The following TSEN54 variants were observed in gnomAD, a reference collection of about 807,000 sequenced individuals.
TSEN54 encodes the protein tRNA-splicing endonuclease subunit Sen54.
In TSEN54, 55 loss-of-function variants were observed where a neutral mutation model predicts 61.9. The ratio of observed to expected loss-of-function variants is 0.89; its 90% CI spans 0.72 to 1.11. The LOEUF is 1.11. TSEN54 is among the 50% of genes most tolerant of loss of function. The probability of loss-of-function intolerance (pLI) is 0.00; values close to 1 mark genes in which losing one functional copy is unlikely to be tolerated. For synonymous variants in TSEN54, 304 were observed against 288.7 expected, an observed-to-expected ratio of 1.05 and a Z score of -0.54; for missense variants, 760 against 687.7, an observed-to-expected ratio of 1.11 and a Z score of -1.18.
intron 5 of TSEN54, 84 bp from the exon 6 acceptor site, chr17:75,518,911 G>A: frequency 6.2e-7 from 1 of 1,604,206 alleles, no homozygotes; most frequent in Non-Finnish European, 8.5e-7. Flanking sequence ...AGAGAGGGCT[G>A]TGGGGATGGC....
rs763099057 is a variant in TSEN54, at chr17:75,523,714, C to T, written c.1365C>T (p.Ala455=). ...GLEIIFDVYQ[A]DAVATFRKNN... is the part of the protein sequence containing the mutation. ...AAATCATCTTTGATGTTTACCAGGC[C>T]GACGCTGTGGCCACATTCCGAAAGA... The change falls in exon 10 of 11, where the codon GCC becomes GCT. Residue 455 remains alanine (A), a synonymous_variant. Coordinates refer to ENST00000333213, the MANE Select transcript of TSEN54 (RefSeq NM_207346.3). 1.2e-4 allele frequency: 186 copies of T among 1,613,950 alleles called. No individual in the cohort carries two copies. The highest frequency in any genetic ancestry group is 1.5e-4 in the Non-Finnish European group (177 of 1,180,024).
chr17:75,518,124 G>C (rs2053392820), intron 5 of TSEN54, among the ~76,000 whole-genome samples: 2 of 152,184 alleles, frequency 1.3e-5, no homozygotes, highest in African/African-American at 4.8e-5. Flanking sequence ...GAGCAGATTT[G>C]GGAGGACAAG....
chr17:75,521,723 C>G lies in TSEN54; in HGVS notation c.642C>G (p.Ala214=), dbSNP rs148257289. ...SSSPRSINKK[A]KALDNSLQPK... The stretch of plus-strand genomic sequence containing the variant: ...CCCTCAGGTCCATTAATAAGAAGGC[C>G]AAGGCCCTGGACAACTCCCTGCAAC... Residue 214 remains alanine, a synonymous_variant, in exon 8 of 11, where the codon GCC becomes GCG. Transcript: ENST00000333213. The G allele has an allele frequency of 1.2e-6, 2 of 1,613,066 alleles. No homozygotes were observed. The highest frequency in any genetic ancestry group is 2.2e-5 in the South Asian group (2 of 91,076).
At chr17:75,521,549 G>C in intron 7 of TSEN54, 39 bp downstream of exon 7, 2 of 1,602,546 alleles carry the variant, frequency 1.2e-6, no homozygotes, top group Non-Finnish European at 1.7e-6. Context: ...GGGAGTGCTG[G>C]TGTCTGGGAC....
chr17:75,521,029 ATATAT>A (rs1448662356), intron 6 of TSEN54, among the ~76,000 whole-genome samples: 1 of 152,216 alleles, frequency 6.6e-6, no homozygotes, highest in African/African-American at 2.4e-5. Context: ...TGTGTCCACA[ATATAT>A]TATTGAGTGA....
intron 5 of TSEN54, chr17:75,518,410 G>A (rs921851926): frequency 4.5e-6 from 2 of 448,152 alleles, no homozygotes; most frequent in Non-Finnish European, 2.9e-6. Flanking sequence ...GGAGTGTCTG[G>A]TGATGCAGGA....
At chr17:75,522,479 T>C (rs982934106) in intron 8 of TSEN54, 146 bp downstream of exon 8, 6 of 1,501,768 alleles carry the variant, frequency 4.0e-6, no homozygotes, top group Non-Finnish European at 5.3e-6. Flanking sequence ...CGGTCAGTTC[T>C]CCGGCGGCTG....
chr17:75,524,627 G>C lies in TSEN54; in HGVS notation c.*215G>C. On this transcript the variant is annotated 3_prime_UTR_variant, in exon 11 of 11. Coordinates refer to ENST00000333213, the MANE Select transcript of TSEN54 (RefSeq NM_207346.3). ...GTGACCCCTCTGGAACTCAGGACTC[G>C]ATTTTAAGGACCCAGGAGGTGGGGC... 1 of 677,800 alleles carries C rather than the reference G, an allele frequency of 1.5e-6. No individual in the cohort carries two copies. Among genetic ancestry groups the C allele is most frequent in the Non-Finnish European group, 2.7e-6 (1 of 376,716 alleles). The allele number at this position is 677,800 out of a possible 1,614,324, so 42.0% of individuals were successfully genotyped here. A position where few individuals can be genotyped will look rare whatever the true frequency, so the allele number is the denominator to read the frequency against.
Position 75,517,612 on chromosome 17 carries a change from A to T in TSEN54, c.425A>T (p.Gln142Leu). 3 of 1,613,698 alleles carry T rather than the reference A, an allele frequency of 1.9e-6. No homozygotes were observed. Among genetic ancestry groups the T allele is most frequent in the Non-Finnish European group, 2.5e-6 (3 of 1,179,960 alleles). ...CCACTGTCTATCCAGGAAGCTTACC[A>T]GCTGCTGCTGACCGACCACACTGTG... is the stretch of plus-strand genomic sequence containing the variant. The part of the protein sequence containing the change: ...DLPLSIQEAY[Q>L]LLLTDHTVTF... Residue 142 changes from glutamine to leucine, a missense_variant, in exon 5 of 11, where the codon CAG (glutamine) becomes CTG (leucine). By Grantham distance (113) the Gln-to-Leu change is moderately radical. Around this residue, in one of 3 missense-constraint regions of TSEN54, gnomAD observed 667 missense variants for 577.8 expected, o/e 1.15. Coordinates refer to ENST00000333213, the MANE Select transcript of TSEN54 (RefSeq NM_207346.3).
chr17:75,518,432 G>C (rs755337956), intron 5 of TSEN54: 30 of 744,996 alleles, frequency 4.0e-5, no homozygotes, highest in Non-Finnish European at 4.9e-5. Context: ...AAAAACCAAA[G>C]TCGCATCACA....
chr17:75,517,358 T>G (rs2053383436), intron 4 of TSEN54, 114 bp downstream of exon 4: 10 of 1,317,738 alleles, frequency 7.6e-6, no homozygotes, highest in Non-Finnish European at 9.6e-6. Flanking sequence ...TAACCAAACT[T>G]CTAAAGCAGG....
chr17:75,516,809 C>T lies in TSEN54; in HGVS notation c.120C>T (p.Pro40=). 1 of 1,593,664 alleles carries T rather than the reference C, an allele frequency of 6.3e-7. No homozygotes were observed. The highest frequency in any genetic ancestry group is 8.5e-7 in the Non-Finnish European group (1 of 1,177,034). The change falls in exon 2 of 11, where the codon CCC becomes CCT. Residue 40 remains proline, a synonymous_variant. Coordinates refer to ENST00000333213, the MANE Select transcript of TSEN54 (RefSeq NM_207346.3). The stretch of plus-strand genomic sequence containing the variant: ...AGCTGCCCCAGCGCTCGCATGGCCC[C>T]AAGGACTTTCTGCCCGACGGCTCGG... ...SQKLPQRSHG[P]KDFLPDGSAA...
At chr17:75,519,256 C>G (rs186153940) in intron 6 of TSEN54, among the ~76,000 whole-genome samples, 2 of 152,124 alleles carry the variant, frequency 1.3e-5, no homozygotes, top group Non-Finnish European at 1.5e-5. Context: ...TTTATGAACT[C>G]GAGCCGCATC....
At position 75,523,760 on chromosome 17, in the gene TSEN54, G is replaced by A; in HGVS notation, c.1411G>A (p.Ala471Thr). 2 of 1,613,966 alleles carry A rather than the reference G, an allele frequency of 1.2e-6. No homozygotes were observed. The highest frequency in any genetic ancestry group is 1.7e-6 in the Non-Finnish European group (2 of 1,179,920). The change falls in exon 10 of 11, where the codon GCC (alanine) becomes ACC (threonine). Residue 471 changes from alanine to threonine, a missense_variant. Around this residue, in one of 3 missense-constraint regions of TSEN54, gnomAD observed 83 missense variants for 82.9 expected, o/e 1.00. Coordinates refer to ENST00000333213, the MANE Select transcript of TSEN54 (RefSeq NM_207346.3). ...AAAGAATAACCCTGGCAAACCCTAT[G>A]CCCGGATGTGCATTAGTGGGTACGC... Reference protein sequence around the residue: ...FRKNNPGKPYARMCISGFDEP... With the variant: ...FRKNNPGKPYTRMCISGFDEP...
intron 5 of TSEN54, chr17:75,518,635 C>T (rs1418556718): frequency 2.0e-6 from 2 of 985,272 alleles, no homozygotes; most frequent in East Asian, 1.1e-4. Context: ...AGATGCCCAC[C>T]ACCTGCCATC....
At position 75,522,159 on chromosome 17, in the gene TSEN54, G is replaced by T; in HGVS notation, c.1078G>T (p.Ala360Ser). 1 of 1,554,910 alleles carries T rather than the reference G, an allele frequency of 6.4e-7. No individual in the cohort carries two copies. The highest frequency in any genetic ancestry group is 8.7e-7 in the Non-Finnish European group (1 of 1,147,810). Residue 360 changes from alanine (A) to serine (S), a missense_variant, in exon 8 of 11, where the codon GCG (alanine) becomes TCG (serine). Ala to Ser is a moderately conservative substitution (Grantham distance 99). Around this residue, in one of 3 missense-constraint regions of TSEN54, gnomAD observed 667 missense variants for 577.8 expected, o/e 1.15. Coordinates refer to ENST00000333213, the MANE Select transcript of TSEN54 (RefSeq NM_207346.3). ...RREREHHAEA[A>S]QFQEDVNADP... is the part of the protein sequence containing the mutation. ...GGAACGGGAGCACCACGCGGAGGCC[G>T]CGCAGTTCCAGGAAGATGTCAACGC...
Position 75,524,290 on chromosome 17 carries a change from A to G in TSEN54, c.1459A>G (p.Ser487Gly), listed in dbSNP as rs2053475165. ...GFDEPVPDLC[S>G]LKRLSYQSGD... ...TGATGAGCCTGTCCCAGACCTCTGCAGCCTCAAGCGGTTGTCTTACCAGAG... is the reference window on the plus strand; with the variant it reads ...TGATGAGCCTGTCCCAGACCTCTGCGGCCTCAAGCGGTTGTCTTACCAGAG... The change falls in exon 11 of 11, where the codon AGC (serine) becomes GGC (glycine). Residue 487 changes from serine (S) to glycine (G), a missense_variant. Ser to Gly is a moderately conservative substitution (Grantham distance 56). Coordinates refer to ENST00000333213, the MANE Select transcript of TSEN54 (RefSeq NM_207346.3). 6.2e-7 allele frequency: 1 copy of G among 1,614,066 alleles called. No homozygotes were observed. The highest frequency in any genetic ancestry group is 1.3e-5 in the African/African-American group (1 of 74,940).
In TSEN54 at chr17:75,520,414, C is replaced by CT. The variant is rs2053414997; in HGVS notation, c.522-995_522-994insT. On this transcript the variant is annotated intron_variant, in intron 6 of 10. Coordinates refer to ENST00000333213, the MANE Select transcript of TSEN54 (RefSeq NM_207346.3). ...GTGAAACCCTGTCTCTACTAAAATA[C>CT]CAAAAAAAAAAAAAAAAAAAAATCA... Among the ~76,000 whole-genome samples, 18 of 124,680 alleles carry CT rather than the reference C, an allele frequency of 1.4e-4. 1 individual carries two copies. In the South Asian group the frequency reaches 4.6e-3, roughly 32 times the overall value. The allele number at this position is 124,680 out of a possible 152,430, so 81.8% of individuals were successfully genotyped here. A position where few individuals can be genotyped will look rare whatever the true frequency, so the allele number is the denominator to read the frequency against.
Position 75,516,817 on chromosome 17 carries a change from T to A in TSEN54, c.128T>A (p.Phe43Tyr). The A allele has an allele frequency of 6.3e-7, 1 of 1,593,248 alleles. No individual in the cohort carries two copies. The change falls in exon 2 of 11, where the codon TTT becomes TAT. Residue 43 changes from phenylalanine to tyrosine, a missense_variant. This residue lies in a region of TSEN54 where 667 missense variants were observed against 577.8 expected (regional missense o/e 1.15). Transcript: ENST00000333213. ...LPQRSHGPKD[F>Y]LPDGSAAQAE... is the part of the protein sequence containing the mutation. ...CAGCGCTCGCATGGCCCCAAGGACT[T>A]TCTGCCCGACGGCTCGGCAGCTCAG...
Sources: allele counts gnomAD v4.1 joint callset (sites outside exome capture counted in the v4.1 genomes callset), GRCh38; gene constraint gnomAD v4.1.1; regional missense constraint gnomAD v4.1.1; transcripts MANE v1.5; gene names NCBI Gene and HGNC (gene_info 2026-07-23, HGNC 2026-07-21).